AIG1: variants seen among roughly 807,000 people sequenced by gnomAD.
The protein encoded by AIG1 is androgen induced 1.
A neutral mutation model predicts 31.4 loss-of-function variants in AIG1; 23 were observed. The ratio of observed to expected loss-of-function variants is 0.73; its 90% CI spans 0.53 to 1.04. The LOEUF (loss-of-function observed/expected upper bound fraction) is 1.04. Ranked by LOEUF, AIG1 falls within the 50% of genes least tolerant of loss-of-function variation. The pLI, the probability that AIG1 is intolerant of heterozygous loss-of-function variation, is 0.00. For missense variants in AIG1, 274 were observed against 295.0 expected (o/e 0.93, Z 0.52); for synonymous variants, 100 against 110.5 (o/e 0.90, Z 0.60).
chr6:143,133,219 T>G (rs548176721), intron 1 of AIG1, among the ~76,000 whole-genome samples: 1 of 152,156 alleles, frequency 6.6e-6, no homozygotes, highest in African/African-American at 2.4e-5. Context: ...GATCAGCTTT[T>G]TTTTGTTTGT....
intron 1 of AIG1, among the ~76,000 whole-genome samples, chr6:143,100,977 G>T (rs1273624009): frequency 6.6e-6 from 1 of 152,108 alleles, no homozygotes; most frequent in African/African-American, 2.4e-5. Flanking sequence ...GAGCCACCGT[G>T]CCCAGCCTAT....
Position 143,327,575 on chromosome 6 carries a change from A to G in AIG1, c.516-5707A>G. The G allele has an allele frequency of 2.7e-6, 1 of 372,764 alleles. No homozygotes were observed. 23.1% of individuals were successfully genotyped at this position (372,764 alleles called of 1,614,324 possible). On this transcript the variant is annotated intron_variant, in intron 4 of 5. Coordinates refer to ENST00000357847, the MANE Select transcript of AIG1 (RefSeq NM_016108.4). This position sits in a 1 kb window ranked among gnomAD's most constrained non-coding sequence, Gnocchi z 5.3. ...ATATTCTGAGGATGAAGATTCACCA[A>G]ATAAGCTCTATACTTCAGTTACCTA...
intron 1 of AIG1, among the ~76,000 whole-genome samples, chr6:143,111,881 A>C (rs1177407306): frequency 6.6e-6 from 1 of 151,884 alleles, no homozygotes; most frequent in East Asian, 1.9e-4. Context: ...CCTCTTCTCT[A>C]TATCTCTCTC....
chr6:143,132,445 T>C (rs1450927552), intron 1 of AIG1, among the ~76,000 whole-genome samples: 2 of 152,094 alleles, frequency 1.3e-5, no homozygotes, highest in African/African-American at 4.8e-5. Context: ...AAATATGTGT[T>C]AATTCTTTTT....
chr6:143,293,245 CTCTGTTCTTCA>C lies in AIG1; in HGVS notation c.515+9022_515+9032del, dbSNP rs1363493788. ...ACCCTTATTTTATTTTCATTTTATC[CTCTGTTCTTCA>C]TACGGGCTTTGGTCCTACTTTACAG... On this transcript the variant is annotated intron_variant, in intron 4 of 5. Coordinates refer to ENST00000357847, the MANE Select transcript of AIG1 (RefSeq NM_016108.4). The surrounding 1 kb of genome is among the most constrained non-coding windows in gnomAD (Gnocchi z 4.8). 5.3e-5 allele frequency among the ~76,000 whole-genome samples: 8 copies of C among 152,026 alleles called. No individual in the cohort carries two copies. Among genetic ancestry groups the C allele is most frequent in the Non-Finnish European group, 1.0e-4 (7 of 68,010 alleles).
At chr6:143,281,478 C>G (rs1198265419) in intron 3 of AIG1, among the ~76,000 whole-genome samples, 1 of 152,074 alleles carries the variant, frequency 6.6e-6, no homozygotes, top group Non-Finnish European at 1.5e-5. Flanking sequence ...CAGAGTATTG[C>G]CTGAGAATGG....
intron 3 of AIG1, among the ~76,000 whole-genome samples, chr6:143,201,630 C>A (rs893404301): frequency 3.3e-5 from 5 of 152,182 alleles, no homozygotes; most frequent in African/African-American, 1.2e-4. Flanking sequence ...AGATGTTGCT[C>A]TTCTATCCAT....
At chr6:143,336,909 G>A (rs1425741798) in intron 5 of AIG1, among the ~76,000 whole-genome samples, 1 of 152,182 alleles carries the variant, frequency 6.6e-6, no homozygotes. Flanking sequence ...TTCTGTAAGG[G>A]AGAAGTTGCA....
chr6:143,066,351 C>G (rs1376134124), intron 1 of AIG1, among the ~76,000 whole-genome samples: 2 of 151,862 alleles, frequency 1.3e-5, no homozygotes, highest in African/African-American at 4.8e-5. Context: ...TGGCTCACTT[C>G]AACCTCCGCC....
At chr6:143,171,721 G>T (rs927681599) in intron 3 of AIG1, among the ~76,000 whole-genome samples, 1 of 150,744 alleles carries the variant, frequency 6.6e-6, no homozygotes, top group Non-Finnish European at 1.5e-5. Flanking sequence ...GTATCAAATG[G>T]TAGATCTACT....
chr6:143,128,245 C>T (rs1210835000), intron 1 of AIG1, among the ~76,000 whole-genome samples: 3 of 151,910 alleles, frequency 2.0e-5, no homozygotes, highest in South Asian at 4.2e-4. Flanking sequence ...TCCATACTTG[C>T]GAAAATGAAT....
chr6:143,142,264 G>T (rs1784304436), intron 2 of AIG1, among the ~76,000 whole-genome samples: 1 of 151,928 alleles, frequency 6.6e-6, no homozygotes. Context: ...TTGGAGACAG[G>T]GGTCCCACTA....
intron 3 of AIG1, among the ~76,000 whole-genome samples, chr6:143,223,035 G>A (rs1010299110): frequency 2.6e-5 from 4 of 152,296 alleles, no homozygotes; most frequent in East Asian, 1.9e-4. Flanking sequence ...ACCTCTGTTC[G>A]AAGCAGTATC....
intron 3 of AIG1, among the ~76,000 whole-genome samples, chr6:143,198,894 G>A (rs1374546701): frequency 6.6e-6 from 1 of 152,090 alleles, no homozygotes; most frequent in African/African-American, 2.4e-5. Context: ...TGTGGAAAAA[G>A]GAGAAAAGAG....
intron 3 of AIG1, among the ~76,000 whole-genome samples, chr6:143,255,928 C>T (rs1367711660): frequency 6.6e-6 from 1 of 152,088 alleles, no homozygotes; most frequent in Non-Finnish European, 1.5e-5. Context: ...TTTTACAAAT[C>T]ATTAATCTTT....
At chr6:143,187,492 G>T in intron 3 of AIG1, 4 of 1,535,034 alleles carry the variant, frequency 2.6e-6, no homozygotes, top group Non-Finnish European at 3.5e-6. Flanking sequence ...GAAGACATAT[G>T]CACAAAATCA....
Position 143,118,281 on chromosome 6 carries a change from A to T in AIG1, c.142-18554A>T, listed in dbSNP as rs374622436. On this transcript the variant is annotated intron_variant, in intron 1 of 5. Coordinates refer to ENST00000357847, the MANE Select transcript of AIG1 (RefSeq NM_016108.4). ...CGAGAGCATCCTGGCCAACATGGTG[A>T]AACCCTGTCTCTACCAAAATACAAA... Among the ~76,000 whole-genome samples, 7 of 152,234 alleles carry T rather than the reference A, an allele frequency of 4.6e-5. No individual in the cohort carries two copies. The East Asian group carries it at 1.2e-3, about 25-fold the overall frequency.
At chr6:143,311,841 G>A (rs1380011544) in intron 4 of AIG1, among the ~76,000 whole-genome samples, 1 of 151,888 alleles carries the variant, frequency 6.6e-6, no homozygotes, top group Non-Finnish European at 1.5e-5. Flanking sequence ...ACTGTTAGAA[G>A]TGATAAACAA....
At chr6:143,228,263 G>A (rs188087018) in intron 3 of AIG1, among the ~76,000 whole-genome samples, 79 of 152,328 alleles carry the variant, frequency 5.2e-4, no homozygotes, top group Non-Finnish European at 9.4e-4. Flanking sequence ...AGGCCCCCAA[G>A]GGGCTGTATT....
Sources: gnomAD v4.1 joint callset for allele counts (sites outside exome capture counted in the v4.1 genomes callset) on GRCh38, gnomAD v4.1.1 for gene constraint, Gnocchi (gnomAD v3.1) non-coding constraint, MANE v1.5 for transcripts, NCBI Gene and HGNC (gene_info 2026-07-23, HGNC 2026-07-21) for gene names.